The following RALGPS2 variants were observed in gnomAD, a reference collection of about 807,000 sequenced individuals.
The protein encoded by RALGPS2 is Ral GEF with PH domain and SH3 binding motif 2, also known as ras-specific guanine nucleotide-releasing factor RalGPS2.
Under a neutral mutation model 86.8 loss-of-function variants are expected in RALGPS2, and 43 were observed. The ratio of observed to expected loss-of-function variants is 0.50; its 90% CI spans 0.39 to 0.64. The LOEUF (loss-of-function observed/expected upper bound fraction) is 0.64, where lower values mean the gene tolerates loss of function less well. RALGPS2 is among the 30% of genes least tolerant of loss of function. RALGPS2 has a pLI of 0.00. For missense variants in RALGPS2, 536 were observed against 694.6 expected, an observed-to-expected ratio of 0.77 and a Z score of 2.57; for synonymous variants, 243 against 231.3, an observed-to-expected ratio of 1.05 and a Z score of -0.46.
chr1:178,879,070 T>C, intron 10 of RALGPS2, 78 bp downstream of exon 10: 1 of 1,538,102 alleles, frequency 6.5e-7, no homozygotes. Context: ...TTTAAACATC[T>C]AAATCCTACA....
In RALGPS2 at chr1:178,851,410, T is replaced by TA; in HGVS notation, c.607+17860_607+17861insA. 8.9e-6 allele frequency: 10 copies of TA among 1,127,800 alleles called. No homozygotes were observed. The South Asian group carries it at 2.2e-4, about 25-fold the overall frequency. The allele number at this position is 1,127,800 out of a possible 1,614,324, so 69.9% of individuals were successfully genotyped here. On this transcript the variant is annotated intron_variant, in intron 8 of 19. Transcript: ENST00000367635. Reference sequence around the variant, plus strand: ...AACTTATTCTACCTTTAATTTGAACTTCCCTTACTAATCCCAGTTACCTTT... The same window carrying TA: ...AACTTATTCTACCTTTAATTTGAACTATCCCTTACTAATCCCAGTTACCTTT...
intron 11 of RALGPS2, 34 bp from the exon 12 acceptor site, chr1:178,885,042 A>G: frequency 6.5e-7 from 1 of 1,536,718 alleles, no homozygotes; most frequent in Non-Finnish European, 8.7e-7. Context: ...AAATAAAGTA[A>G]TCATTTGAAA....
At chr1:178,770,580 C>CT (rs899348398) in intron 1 of RALGPS2, among the ~76,000 whole-genome samples, 34 of 141,440 alleles carry the variant, frequency 2.4e-4, no homozygotes, top group Admixed American at 2.0e-3. Flanking sequence ...GCAATCTTGG[C>CT]TTACTGCATC....
chr1:178,894,462 C>A (rs1659854396), intron 16 of RALGPS2: 1 of 154,358 alleles, frequency 6.5e-6, no homozygotes, highest in African/African-American at 2.4e-5. Flanking sequence ...TTTCCTTAAT[C>A]CAAGAAGTTT....
intron 14 of RALGPS2, among the ~76,000 whole-genome samples, chr1:178,890,494 C>T (rs1341885287): frequency 2.0e-5 from 3 of 151,756 alleles, no homozygotes; most frequent in Admixed American, 1.3e-4. Flanking sequence ...ATTACTCAAG[C>T]GGGTCATTTA....
intron 1 of RALGPS2, among the ~76,000 whole-genome samples, chr1:178,729,042 G>C (rs535133191): frequency 6.6e-6 from 1 of 152,156 alleles, no homozygotes; most frequent in Admixed American, 6.5e-5. Flanking sequence ...TCATTACAGA[G>C]AAACTTTTGG....
In RALGPS2 at chr1:178,921,651, A is replaced by G. The variant is rs549319423; in HGVS notation, c.*5292A>G. 4.1e-4 allele frequency: 62 copies of G among 152,142 alleles called. No individual in the cohort carries two copies. The highest frequency in any genetic ancestry group is 1.5e-3 in the African/African-American group (62 of 41,544). The allele number at this position is 152,142 out of a possible 1,614,324, so 9.4% of individuals were successfully genotyped here. On this transcript the variant is annotated 3_prime_UTR_variant, in exon 20 of 20. Transcript: ENST00000367635. The stretch of plus-strand genomic sequence containing the variant: ...ATCCCAATTAACTTGAGGTACTCTA[A>G]TGATGAAGCACTCGATTGCACTATG...
intron 17 of RALGPS2, 71 bp from the exon 18 acceptor site, chr1:178,902,035 C>T (rs746051754): frequency 3.2e-5 from 36 of 1,109,902 alleles, no homozygotes; most frequent in Non-Finnish European, 4.1e-5. Context: ...AAATACACTC[C>T]CTAACACTGA....
At chr1:178,733,958 T>C (rs1354571093) in intron 1 of RALGPS2, among the ~76,000 whole-genome samples, 1 of 152,160 alleles carries the variant, frequency 6.6e-6, no homozygotes, top group Non-Finnish European at 1.5e-5. Context: ...GGAGAAAATA[T>C]TTGCAAGTCA....
At chr1:178,851,838 C>T (rs1657194836) in intron 8 of RALGPS2, among the ~76,000 whole-genome samples, 1 of 151,970 alleles carries the variant, frequency 6.6e-6, no homozygotes, top group Non-Finnish European at 1.5e-5. Flanking sequence ...TGCCAAAATA[C>T]AGCTGGAGAG....
In RALGPS2 at chr1:178,831,211, G is replaced by A. The variant is rs116440503; in HGVS notation, c.481-2213G>A. On this transcript the variant is annotated intron_variant, in intron 7 of 19. Transcript: ENST00000367635. The stretch of plus-strand genomic sequence containing the variant: ...GATGGAAGATGAGTCATGTGTGTTC[G>A]TTATAAAGTTTAAATCCATTTAACA... Among the ~76,000 whole-genome samples the A allele has an allele frequency of 3.7e-3, 560 of 152,274 alleles. 5 individuals carry two copies. Among genetic ancestry groups the A allele is most frequent in the African/African-American group, 0.012 (506 of 41,564 alleles).
At chr1:178,865,523 A>G (rs755371845) in intron 8 of RALGPS2, 2 of 1,614,092 alleles carry the variant, frequency 1.2e-6, no homozygotes, top group Admixed American at 1.7e-5. Flanking sequence ...CAGGTTTTCA[A>G]GGTCCATCCT....
intron 7 of RALGPS2, among the ~76,000 whole-genome samples, chr1:178,832,044 A>G (rs746582366): frequency 5.3e-5 from 8 of 152,230 alleles, no homozygotes; most frequent in Admixed American, 2.0e-4. Flanking sequence ...GAGCAGGTTT[A>G]TCATTATCCC....
At chr1:178,905,897 T>A (rs1175744829) in intron 18 of RALGPS2, among the ~76,000 whole-genome samples, 1 of 152,182 alleles carries the variant, frequency 6.6e-6, no homozygotes, top group Non-Finnish European at 1.5e-5. Context: ...TCCTAGACTT[T>A]CCCCAAGAGC....
rs1572389540 is a variant in RALGPS2, at chr1:178,842,732, A to G, written c.607+9182A>G. ...GAACAGGCAACCTACAAAATGGGAGAAAATTTTTGCAACCTACTCATCTGA... is the reference window on the plus strand; with the variant it reads ...GAACAGGCAACCTACAAAATGGGAGGAAATTTTTGCAACCTACTCATCTGA... On this transcript the variant is annotated intron_variant, in intron 8 of 19. Transcript: ENST00000367635. 6.0e-5 allele frequency among the ~76,000 whole-genome samples: 9 copies of G among 150,132 alleles called. No individual in the cohort carries two copies. In the South Asian group the frequency reaches 1.9e-3, roughly 32 times the overall value.
rs981877366 is a variant in RALGPS2, at chr1:178,886,203, C to T, written c.1192+83C>T. ...AACTTGGCTGGAAAAAAACCCCACCCACACACAGAGAAAATTTGGTTAAAA... is the reference window on the plus strand; with the variant it reads ...AACTTGGCTGGAAAAAAACCCCACCTACACACAGAGAAAATTTGGTTAAAA... On this transcript the variant is annotated intron_variant, in intron 13 of 19. Transcript: ENST00000367635. 34 of 1,396,086 alleles carry T rather than the reference C, an allele frequency of 2.4e-5. No individual in the cohort carries two copies. In the East Asian group the frequency reaches 8.2e-4, roughly 34 times the overall value. 86.5% of individuals were successfully genotyped at this position (1,396,086 alleles called of 1,614,324 possible).
chr1:178,766,574 AC>A (rs1652518769), intron 1 of RALGPS2, among the ~76,000 whole-genome samples: 1 of 152,154 alleles, frequency 6.6e-6, no homozygotes, highest in South Asian at 2.1e-4. Context: ...ACATAGGCCC[AC>A]AATCTCTTCT....
intron 1 of RALGPS2, among the ~76,000 whole-genome samples, chr1:178,760,042 T>C (rs918659815): frequency 2.6e-5 from 4 of 152,224 alleles, no homozygotes; most frequent in African/African-American, 9.6e-5. Context: ...AGGATAGTTT[T>C]CCTTCTTCCT....
chr1:178,788,907 CT>C (rs1186625298), intron 4 of RALGPS2, among the ~76,000 whole-genome samples: 1 of 81,544 alleles, frequency 1.2e-5, no homozygotes, highest in East Asian at 2.9e-4. Context: ...CTTTCTTCTT[CT>C]TTTTTCTTTT....
Sources: gnomAD v4.1 joint callset for allele counts (sites outside exome capture counted in the v4.1 genomes callset) on GRCh38, gnomAD v4.1.1 for gene constraint, MANE v1.5 for transcripts, NCBI Gene and HGNC (gene_info 2026-07-23, HGNC 2026-07-21) for gene names.